PPIG: variants seen among roughly 807,000 people sequenced by gnomAD.
The protein encoded by PPIG is peptidyl-prolyl cis-trans isomerase G.
In PPIG, 26 loss-of-function variants were observed where a neutral mutation model predicts 87.9. That is an observed-to-expected ratio of 0.30 (90% CI 0.22 to 0.41). The LOEUF is 0.41. PPIG is among the 10% of genes least tolerant of loss of function. The pLI is 1.00. For synonymous variants in PPIG, 308 were observed against 276.5 expected (o/e 1.11, Z -1.13); for missense variants, 722 against 879.4 (o/e 0.82, Z 2.26).
chr2:169,637,501 C>G lies in PPIG; in HGVS notation c.2243C>G (p.Thr748Arg). The change falls in exon 14 of 14, where the codon ACA (threonine) becomes AGA (arginine). Residue 748 changes from threonine to arginine, a missense_variant. Around this residue, in one of 4 missense-constraint regions of PPIG, gnomAD observed 476 missense variants for 483.1 expected, o/e 0.99. Transcript: ENST00000260970. Reference sequence around the variant, plus strand: ...TTTGATCATGAATCAAGCCCTGGAACAGATGAAGACAAAAGCGGATGAGTG... The same window carrying G: ...TTTGATCATGAATCAAGCCCTGGAAGAGATGAAGACAAAAGCGGATGAGTG... Reference protein sequence around the residue: ...KKFDHESSPGTDEDKSG With the variant: ...KKFDHESSPGRDEDKSG 1.3e-6 allele frequency: 2 copies of G among 1,584,744 alleles called. No individual in the cohort carries two copies. Among genetic ancestry groups the G allele is most frequent in the South Asian group, 2.4e-5 (2 of 84,954 alleles).
At chr2:169,622,835 G>T (rs1346168258) in intron 9 of PPIG, among the ~76,000 whole-genome samples, 1 of 152,134 alleles carries the variant, frequency 6.6e-6, no homozygotes, top group Non-Finnish European at 1.5e-5. Flanking sequence ...TAGTAAGTTT[G>T]ATGGCCTTCT....
At chr2:169,614,854 T>C (rs1685571813) in intron 9 of PPIG, 130 bp downstream of exon 9, 3 of 1,110,392 alleles carry the variant, frequency 2.7e-6, no homozygotes, top group Admixed American at 3.2e-5. Context: ...AATGTATTTC[T>C]GTGCTTTTAT....
chr2:169,630,865 TTCTGATTCC>T lies in PPIG; in HGVS notation c.649_657del (p.Ser217_Ser219del), dbSNP rs563441578. ...ATAGCTCAAGTGATTCTCAGTCCTC[TTCTGATTCC>T]TCTGATTCCGAAAGTGCTACTGAAG... is the stretch of plus-strand genomic sequence containing the variant. On this transcript the variant is annotated inframe_deletion, in exon 10 of 14. Coordinates refer to ENST00000260970, the MANE Select transcript of PPIG (RefSeq NM_004792.3). The T allele has an allele frequency of 6.0e-4, 970 of 1,612,846 alleles. 3 individuals are homozygous for T. The South Asian group carries it at 6.1e-3, about 10-fold the overall frequency.
rs549726135 is a variant in PPIG at position 169,584,370 on chromosome 2, C to G, written c.-190C>G. ...TCCGGTGCGACGCTGTCTCTCCATG[C>G]CAGGACTGAGTTGTGGGGGAGGGAG... On this transcript the variant is annotated 5_prime_UTR_variant, in exon 1 of 14. Coordinates refer to ENST00000260970, the MANE Select transcript of PPIG (RefSeq NM_004792.3). 1 of 471,158 alleles carries G rather than the reference C, an allele frequency of 2.1e-6. No individual in the cohort carries two copies. Among genetic ancestry groups the G allele is most frequent in the East Asian group, 6.9e-5 (1 of 14,394 alleles). 29.2% of individuals were successfully genotyped at this position (471,158 alleles called of 1,614,324 possible).
chr2:169,619,374 T>C (rs2105505699), intron 9 of PPIG, among the ~76,000 whole-genome samples: 1 of 152,310 alleles, frequency 6.6e-6, no homozygotes, highest in South Asian at 2.1e-4. Context: ...GTTCTGTAGA[T>C]GTCTATTAGG....
At chr2:169,598,803 A>G (rs1221191555) in intron 1 of PPIG, among the ~76,000 whole-genome samples, 1 of 148,742 alleles carries the variant, frequency 6.7e-6, no homozygotes, top group East Asian at 1.9e-4. Context: ...AAAGTATTAT[A>G]AATATTTATA....
chr2:169,631,715 A>G (rs1686057411), intron 10 of PPIG, 51 bp from the exon 11 acceptor site: 4 of 1,611,406 alleles, frequency 2.5e-6, no homozygotes, highest in Non-Finnish European at 3.4e-6. Flanking sequence ...ATACTTCCGT[A>G]AGGACATAAT....
At chr2:169,611,079 G>A (rs994169572) in intron 7 of PPIG, among the ~76,000 whole-genome samples, 16 of 152,044 alleles carry the variant, frequency 1.1e-4, no homozygotes, top group African/African-American at 3.9e-4. Context: ...GTGCTTGCGG[G>A]CGCATGTAAT....
intron 9 of PPIG, among the ~76,000 whole-genome samples, chr2:169,630,393 T>C (rs1686010819): frequency 6.6e-6 from 1 of 152,200 alleles, no homozygotes; most frequent in Admixed American, 6.5e-5. Context: ...TTTTCTGTTA[T>C]TTCCCTGCAC....
In PPIG at chr2:169,636,181, T is replaced by C; in HGVS notation, c.1107T>C (p.Ala369=). 6.2e-7 allele frequency: 1 copy of C among 1,612,780 alleles called. No individual in the cohort carries two copies. The highest frequency in any genetic ancestry group is 8.5e-7 in the Non-Finnish European group (1 of 1,179,640). ...PPHWRQEMQR[A]QRMRVSSGER... ...ATTGGAGGCAAGAGATGCAGAGAGC[T>C]CAAAGAATGAGGGTATCAAGTGGTG... Residue 369 remains alanine, a synonymous_variant, in exon 13 of 14, where the codon GCT becomes GCC. Transcript: ENST00000260970.
At position 169,641,012 on chromosome 2, in the gene PPIG, T is replaced by C. The variant is rs1391426507; in HGVS notation, c.*3489T>C. The C allele has an allele frequency of 3.3e-5, 5 of 152,214 alleles. No homozygotes were observed. The highest frequency in any genetic ancestry group is 1.2e-4 in the African/African-American group (5 of 41,456). 9.4% of individuals were successfully genotyped at this position (152,214 alleles called of 1,614,324 possible). A position where few individuals can be genotyped will look rare whatever the true frequency, so the allele number is the denominator to read the frequency against. ...ATTTGTGTTTCTGACTTTTTTTCTT[T>C]AAGCAAATTCCATATGTTACCAAAA... On this transcript the variant is annotated 3_prime_UTR_variant, in exon 14 of 14. Coordinates refer to ENST00000260970, the MANE Select transcript of PPIG (RefSeq NM_004792.3).
At chr2:169,635,748 A>G (rs1303157142) in intron 12 of PPIG, among the ~76,000 whole-genome samples, 2 of 152,228 alleles carry the variant, frequency 1.3e-5, no homozygotes, top group Non-Finnish European at 2.9e-5. Flanking sequence ...TTACTTGGTT[A>G]GGACTCTTCC....
At chr2:169,594,395 A>C (rs1407513262) in intron 1 of PPIG, among the ~76,000 whole-genome samples, 1 of 151,948 alleles carries the variant, frequency 6.6e-6, no homozygotes, top group East Asian at 1.9e-4. Flanking sequence ...AATTGAAGAA[A>C]AATTGGAAAA....
intron 1 of PPIG, among the ~76,000 whole-genome samples, chr2:169,597,837 A>G (rs1388903390): frequency 6.6e-6 from 1 of 150,532 alleles, no homozygotes; most frequent in African/African-American, 2.5e-5. Context: ...AGTATATCCT[A>G]CACACTTCTG....
intron 9 of PPIG, among the ~76,000 whole-genome samples, chr2:169,619,627 C>T (rs1685690528): frequency 6.6e-6 from 1 of 151,910 alleles, no homozygotes; most frequent in Non-Finnish European, 1.5e-5. Flanking sequence ...TATGTAATGC[C>T]CTCTTTCTGT....
At chr2:169,592,272 C>T (rs2441673) in intron 1 of PPIG, among the ~76,000 whole-genome samples, 56,565 of 139,722 alleles carry the variant, frequency 0.4, 11,796 homozygotes, top group East Asian at 0.58. Context: ...AGATGTTTGT[C>T]TTACTGCATC....
intron 4 of PPIG, 102 bp from the exon 5 acceptor site, chr2:169,605,937 T>C: frequency 2.7e-6 from 2 of 737,952 alleles, no homozygotes; most frequent in Non-Finnish European, 4.5e-6. Context: ...AAATATGATT[T>C]TAAGTCTGCA....
chr2:169,614,327 A>ATT (rs1685560696), intron 7 of PPIG, 137 bp from the exon 8 acceptor site: 14 of 765,390 alleles, frequency 1.8e-5, no homozygotes, highest in Admixed American at 1.7e-4. Flanking sequence ...AGGTAATATG[A>ATT]TTATATTAAG....
At chr2:169,636,264 T>G in intron 13 of PPIG, 36 bp downstream of exon 13, 3 of 1,558,566 alleles carry the variant, frequency 1.9e-6, no homozygotes, top group Non-Finnish European at 2.6e-6. Flanking sequence ...AATGTAATGA[T>G]AAGTGTTTGC....
Sources: allele counts gnomAD v4.1 joint callset (sites outside exome capture counted in the v4.1 genomes callset), GRCh38; gene constraint gnomAD v4.1.1; regional missense constraint gnomAD v4.1.1; transcripts MANE v1.5; gene names NCBI Gene and HGNC (gene_info 2026-07-23, HGNC 2026-07-21).